The following ADCY2 variants were observed in gnomAD, a reference collection of about 807,000 sequenced individuals.
ADCY2 encodes the protein adenylate cyclase type 2.
In ADCY2, 31 loss-of-function variants were observed where a neutral mutation model predicts 125.2. The ratio of observed to expected loss-of-function variants is 0.25; its 90% CI spans 0.19 to 0.33. ADCY2 has a LOEUF of 0.33. Among genes scored for constraint, ADCY2 ranks in the 10% least tolerant of loss-of-function variants. The pLI is 1.00. For synonymous variants in ADCY2, 512 were observed against 548.4 expected (o/e 0.93, Z 0.93); for missense variants, 904 against 1,418.2 (o/e 0.64, Z 5.82).
intron 3 of ADCY2, among the ~76,000 whole-genome samples, chr5:7,590,971 G>T (rs1193046429): frequency 6.6e-6 from 1 of 152,050 alleles, no homozygotes; most frequent in Non-Finnish European, 1.5e-5. Flanking sequence ...CAAATCCATG[G>T]ATTCTTATAT....
At chr5:7,806,618 A>G (rs1271017078) in intron 22 of ADCY2, among the ~76,000 whole-genome samples, 1 of 152,134 alleles carries the variant, frequency 6.6e-6, no homozygotes, top group African/African-American at 2.4e-5. Context: ...AGAGAGAGAG[A>G]CAGAGACAGA....
intron 2 of ADCY2, among the ~76,000 whole-genome samples, chr5:7,428,713 T>C (rs961035067): frequency 1.3e-5 from 2 of 152,180 alleles, no homozygotes; most frequent in African/African-American, 4.8e-5. Context: ...TGAGTCCTGA[T>C]TTACCTCCCC....
At chr5:7,608,814 C>T (rs991990836) in intron 3 of ADCY2, among the ~76,000 whole-genome samples, 1 of 152,144 alleles carries the variant, frequency 6.6e-6, no homozygotes, top group African/African-American at 2.4e-5. Context: ...TAGTTTAAGA[C>T]ATCAAACTCT....
chr5:7,570,719 C>G (rs1157292677), intron 3 of ADCY2, among the ~76,000 whole-genome samples: 1 of 151,884 alleles, frequency 6.6e-6, no homozygotes, highest in Non-Finnish European at 1.5e-5. Flanking sequence ...TTCACACTCC[C>G]TTCAAGAATG....
chr5:7,596,111 C>T (rs941853209), intron 3 of ADCY2, among the ~76,000 whole-genome samples: 1 of 152,028 alleles, frequency 6.6e-6, no homozygotes, highest in East Asian at 1.9e-4. Context: ...TTTTCTGTCT[C>T]TTCCAGTCTT....
At chr5:7,809,390 C>A (rs561029069) in intron 22 of ADCY2, among the ~76,000 whole-genome samples, 30 of 152,284 alleles carry the variant, frequency 2.0e-4, no homozygotes, top group African/African-American at 6.0e-4. Flanking sequence ...AAATAACATA[C>A]CTGATAAATA....
chr5:7,562,901 C>T (rs991515260), intron 3 of ADCY2, among the ~76,000 whole-genome samples: 2 of 152,174 alleles, frequency 1.3e-5, no homozygotes, highest in African/African-American at 4.8e-5. Flanking sequence ...ATTAGGTTCT[C>T]ATTTCAGTTA....
chr5:7,456,008 GCCACTTT>G (rs1741655486), intron 2 of ADCY2, among the ~76,000 whole-genome samples: 1 of 150,666 alleles, frequency 6.6e-6, no homozygotes, highest in Non-Finnish European at 1.5e-5. Context: ...AATTTTATCT[GCCACTTT>G]CATCTTTAAG....
intron 7 of ADCY2, among the ~76,000 whole-genome samples, chr5:7,705,334 C>G (rs1042006534): frequency 1.3e-5 from 2 of 152,176 alleles, no homozygotes; most frequent in Non-Finnish European, 2.9e-5. Flanking sequence ...TGCTGAGGGC[C>G]GAGATGGAGA....
intron 2 of ADCY2, among the ~76,000 whole-genome samples, chr5:7,513,257 G>C (rs1744139348): frequency 6.6e-6 from 1 of 152,164 alleles, no homozygotes; most frequent in South Asian, 2.1e-4. Context: ...ATTAGACATT[G>C]GGATGGATGA....
intron 3 of ADCY2, among the ~76,000 whole-genome samples, chr5:7,577,402 C>T (rs564512114): frequency 6.6e-6 from 1 of 152,312 alleles, no homozygotes; most frequent in East Asian, 1.9e-4. Flanking sequence ...TACTATCCAT[C>T]AAATTTGCAA....
Position 7,707,899 on chromosome 5 carries a change from A to T in ADCY2, c.1401+61A>T, listed in dbSNP as rs556328407. ...GAGGAGGAGCAAATTATTGATATTC[A>T]TAAGTGTTTTTAGTCAATATCCAAT... is the stretch of plus-strand genomic sequence containing the variant. On this transcript the variant is annotated intron_variant, in intron 9 of 24. Coordinates refer to ENST00000338316, the MANE Select transcript of ADCY2 (RefSeq NM_020546.3). The T allele has an allele frequency of 1.9e-6, 3 of 1,562,484 alleles. 1 individual carries two copies. The South Asian group carries it at 3.5e-5, about 18-fold the overall frequency.
intron 3 of ADCY2, among the ~76,000 whole-genome samples, chr5:7,529,531 C>T (rs1734576018): frequency 1.3e-5 from 2 of 152,154 alleles, no homozygotes; most frequent in Admixed American, 1.3e-4. Flanking sequence ...CCCCTCTCAG[C>T]ATCTCGTGAA....
intron 7 of ADCY2, among the ~76,000 whole-genome samples, chr5:7,704,844 C>G (rs982477108): frequency 2.5e-4 from 38 of 150,434 alleles, no homozygotes; most frequent in African/African-American, 8.6e-4. Context: ...CGCCACTGCA[C>G]TCCAACCTGG....
chr5:7,776,601 G>C (rs1743736488), intron 18 of ADCY2, among the ~76,000 whole-genome samples: 1 of 152,136 alleles, frequency 6.6e-6, no homozygotes, highest in African/African-American at 2.4e-5. Context: ...TGTCTAGGTA[G>C]CTGGTAAAGT....
intron 1 of ADCY2, among the ~76,000 whole-genome samples, chr5:7,410,540 C>T (rs751670273): frequency 1.5e-4 from 23 of 152,154 alleles, no homozygotes; most frequent in African/African-American, 4.8e-4. Flanking sequence ...GGAAGGAACC[C>T]ATAATCATCT....
At chr5:7,492,862 C>T (rs959580041) in intron 2 of ADCY2, among the ~76,000 whole-genome samples, 23 of 152,098 alleles carry the variant, frequency 1.5e-4, no homozygotes, top group Non-Finnish European at 2.6e-4. Context: ...TAGATTGGGG[C>T]TCTTCCACCT....
At chr5:7,501,809 G>C (rs1743605545) in intron 2 of ADCY2, among the ~76,000 whole-genome samples, 1 of 152,024 alleles carries the variant, frequency 6.6e-6, no homozygotes, top group African/African-American at 2.4e-5. Context: ...CAGGCAGGGA[G>C]CCTGCAGGAT....
intron 11 of ADCY2, among the ~76,000 whole-genome samples, chr5:7,714,344 A>G (rs1010675564): frequency 6.6e-6 from 1 of 152,202 alleles, no homozygotes; most frequent in African/African-American, 2.4e-5. Flanking sequence ...GAGTCTATTT[A>G]TAGAAGTTAC....
Sources: gnomAD v4.1 joint callset for allele counts (sites outside exome capture counted in the v4.1 genomes callset) on GRCh38, gnomAD v4.1.1 for gene constraint, MANE v1.5 for transcripts, NCBI Gene and HGNC (gene_info 2026-07-23, HGNC 2026-07-21) for gene names.